ZC3H15: variants seen among roughly 807,000 people sequenced by gnomAD.
ZC3H15 encodes zinc finger CCCH domain-containing protein 15.
ZC3H15 carries 15 observed loss-of-function variants against 51.2 expected under a neutral mutation model. The observed-to-expected ratio is 0.29, with a 90% CI of 0.20 to 0.45. The LOEUF (loss-of-function observed/expected upper bound fraction) is 0.45. Ranked by LOEUF, ZC3H15 falls within the 20% of genes least tolerant of loss-of-function variation. ZC3H15 has a pLI of 1.00. For synonymous variants in ZC3H15, 144 were observed against 162.8 expected, an observed-to-expected ratio of 0.88 and a Z score of 0.88; for missense variants, 381 against 494.7, an observed-to-expected ratio of 0.77 and a Z score of 2.18.
chr2:186,494,934 T>C (rs1422053536), intron 1 of ZC3H15, among the ~76,000 whole-genome samples: 1 of 152,018 alleles, frequency 6.6e-6, no homozygotes, highest in African/African-American at 2.4e-5. Flanking sequence ...ACCTGCACGT[T>C]GTACACATGT....
chr2:186,506,645 A>G (rs1453170955), intron 8 of ZC3H15, 68 bp from the exon 9 acceptor site: 3 of 1,525,592 alleles, frequency 2.0e-6, no homozygotes, highest in African/African-American at 1.4e-5. Context: ...GCTCATTAAG[A>G]TAAATGTCAG....
intron 1 of ZC3H15, among the ~76,000 whole-genome samples, chr2:186,494,932 G>A (rs950519298): frequency 3.6e-4 from 54 of 151,698 alleles, no homozygotes; most frequent in African/African-American, 1.2e-3. Flanking sequence ...AAACCTGCAC[G>A]TTGTACACAT....
intron 2 of ZC3H15, among the ~76,000 whole-genome samples, chr2:186,497,502 C>T (rs1685302499): frequency 6.6e-6 from 1 of 152,172 alleles, no homozygotes; most frequent in Non-Finnish European, 1.5e-5. Context: ...GGGTGTGAAT[C>T]TTCCTATCTT....
intron 8 of ZC3H15, chr2:186,506,124 C>G: frequency 2.2e-6 from 1 of 455,270 alleles, no homozygotes; most frequent in Admixed American, 3.3e-5. Flanking sequence ...TATGTATTAC[C>G]TGTAAAAAGT....
intron 8 of ZC3H15, among the ~76,000 whole-genome samples, chr2:186,506,391 G>T (rs1685468261): frequency 6.6e-6 from 1 of 152,162 alleles, no homozygotes; most frequent in African/African-American, 2.4e-5. Context: ...AGAGGAAGAA[G>T]TTTCATATAC....
At chr2:186,502,147 C>T (rs1173813139) in intron 4 of ZC3H15, among the ~76,000 whole-genome samples, 1 of 151,944 alleles carries the variant, frequency 6.6e-6, no homozygotes, top group East Asian at 1.9e-4. Flanking sequence ...CCCAAGAGTT[C>T]AAGACCAGCA....
intron 5 of ZC3H15, among the ~76,000 whole-genome samples, chr2:186,502,876 G>T (rs1001840710): frequency 6.6e-6 from 1 of 152,092 alleles, no homozygotes; most frequent in African/African-American, 2.4e-5. Flanking sequence ...TACATATCCA[G>T]ACAAAAATCC....
At position 186,486,278 on chromosome 2, in the gene ZC3H15, T is replaced by G; in HGVS notation, c.-105T>G. 2 of 1,255,422 alleles carry G rather than the reference T, an allele frequency of 1.6e-6. No individual in the cohort carries two copies. Among genetic ancestry groups the G allele is most frequent in the Admixed American group, 3.3e-5 (1 of 30,004 alleles). The allele number at this position is 1,255,422 out of a possible 1,614,324, so 77.8% of individuals were successfully genotyped here. ...AATGAGCGACTCGCTTTCCGTGCGG[T>G]GCGGCGAGTGAGGCCCCGGTCTTCC... On this transcript the variant is annotated 5_prime_UTR_variant, in exon 1 of 10. Transcript: ENST00000337859.
intron 2 of ZC3H15, among the ~76,000 whole-genome samples, chr2:186,499,313 A>T (rs59569208): frequency 0.98 from 149,571 of 152,268 alleles, 73,501 homozygotes; most frequent in Middle Eastern, 1. Context: ...AACAGTTGAG[A>T]GAACTCTGTT....
chr2:186,507,605 C>T (rs1685488668), intron 9 of ZC3H15: 1 of 368,944 alleles, frequency 2.7e-6, no homozygotes, highest in African/African-American at 2.1e-5. Context: ...CTAATTGTGC[C>T]TTGAGTTAGG....
chr2:186,506,103 G>A, intron 8 of ZC3H15: 1 of 525,792 alleles, frequency 1.9e-6, no homozygotes. Flanking sequence ...CTAGTATGTG[G>A]TTGAGTGCTA....
intron 1 of ZC3H15, among the ~76,000 whole-genome samples, chr2:186,494,211 T>A (rs549661770): frequency 6.6e-6 from 1 of 152,318 alleles, no homozygotes; most frequent in South Asian, 2.1e-4. Context: ...ATTACCAAGT[T>A]ACTGTATTAA....
At chr2:186,497,135 A>ATT (rs1326821403) in intron 2 of ZC3H15, 2 of 443,530 alleles carry the variant, frequency 4.5e-6, no homozygotes, top group East Asian at 1.4e-4. Context: ...TTTAAAGTAC[A>ATT]TTTTTCCACC....
intron 6 of ZC3H15, among the ~76,000 whole-genome samples, chr2:186,504,726 T>A (rs897043804): frequency 6.6e-6 from 1 of 152,220 alleles, no homozygotes; most frequent in Non-Finnish European, 1.5e-5. Context: ...AAACACAGTT[T>A]TATTCTATGA....
At chr2:186,503,933 A>G (rs1685426819) in intron 5 of ZC3H15, 99 bp from the exon 6 acceptor site, 5 of 937,208 alleles carry the variant, frequency 5.3e-6, no homozygotes, top group Non-Finnish European at 6.1e-6. Flanking sequence ...CTTGTGTAAT[A>G]TAACGTACTT....
chr2:186,486,537 G>A (rs991802183), intron 1 of ZC3H15, 80 bp downstream of exon 1: 1 of 1,451,662 alleles, frequency 6.9e-7, no homozygotes, highest in South Asian at 1.4e-5. Flanking sequence ...CCTGGGAGCC[G>A]GCTCGCTTCC....
chr2:186,491,852 T>A (rs896007222), intron 1 of ZC3H15, among the ~76,000 whole-genome samples: 11 of 152,122 alleles, frequency 7.2e-5, no homozygotes, highest in Non-Finnish European at 1.5e-4. Context: ...TGTGGAAAAA[T>A]GTTAATTTCT....
chr2:186,493,880 A>G (rs1015071719), intron 1 of ZC3H15, among the ~76,000 whole-genome samples: 2 of 147,910 alleles, frequency 1.4e-5, no homozygotes, highest in African/African-American at 5.0e-5. Flanking sequence ...TTAATCTAGT[A>G]TGATGTCATC....
chr2:186,501,160 C>T (rs755817131), intron 3 of ZC3H15, 113 bp from the exon 4 acceptor site: 71 of 1,155,150 alleles, frequency 6.1e-5, no homozygotes, highest in Admixed American at 5.7e-4. Context: ...CCGTTTTCCT[C>T]TCACATCAGT....
Sources: gnomAD v4.1 joint callset for allele counts (sites outside exome capture counted in the v4.1 genomes callset) on GRCh38, gnomAD v4.1.1 for gene constraint, MANE v1.5 for transcripts, NCBI Gene and HGNC (gene_info 2026-07-23, HGNC 2026-07-21) for gene names.